Variants in TMEM144 observed in about 807,000 individuals in gnomAD.
The protein encoded by TMEM144 is transmembrane protein 144.
In TMEM144, 39 loss-of-function variants were observed where a neutral mutation model predicts 43.6. The ratio of observed to expected loss-of-function variants is 0.90; its 90% CI spans 0.69 to 1.17. TMEM144 has a LOEUF of 1.17. TMEM144 is among the 50% of genes most tolerant of loss of function. The probability of loss-of-function intolerance (pLI) is 0.00; values close to 1 mark genes in which losing one functional copy is unlikely to be tolerated. For missense variants in TMEM144, 417 were observed against 411.9 expected, an observed-to-expected ratio of 1.01 and a Z score of -0.11; for synonymous variants, 154 against 133.6, an observed-to-expected ratio of 1.15 and a Z score of -1.06.
intron 6 of TMEM144, among the ~76,000 whole-genome samples, chr4:158,227,993 A>G (rs573787495): frequency 2.6e-5 from 4 of 152,222 alleles, no homozygotes; most frequent in Admixed American, 6.5e-5. Context: ...CCACACACAC[A>G]CCACAAAGCA....
chr4:158,248,142 A>G (rs1301345813), intron 12 of TMEM144, among the ~76,000 whole-genome samples: 1 of 151,232 alleles, frequency 6.6e-6, no homozygotes, highest in Non-Finnish European at 1.5e-5. Context: ...AAAAAAAAAA[A>G]AAACCTGGGG....
intron 6 of TMEM144, among the ~76,000 whole-genome samples, chr4:158,225,305 G>T (rs10002043): frequency 0.32 from 48,788 of 152,064 alleles, 9,262 homozygotes; most frequent in African/African-American, 0.53. Context: ...GACACGTAGG[G>T]TGTAAAGGGT....
At chr4:158,239,684 AT>A (rs879472784) in intron 9 of TMEM144, among the ~76,000 whole-genome samples, 2 of 152,136 alleles carry the variant, frequency 1.3e-5, no homozygotes, top group Admixed American at 1.3e-4. Context: ...CTGAGTGCCT[AT>A]TTTTAAAAGG....
intron 9 of TMEM144, among the ~76,000 whole-genome samples, chr4:158,239,658 A>G (rs1458854298): frequency 1.3e-5 from 2 of 152,172 alleles, no homozygotes; most frequent in African/African-American, 2.4e-5. Context: ...TGCTATTGTC[A>G]TTAGTAAAAT....
chr4:158,249,440 C>G (rs1226132223), intron 12 of TMEM144, among the ~76,000 whole-genome samples: 1 of 152,146 alleles, frequency 6.6e-6, no homozygotes, highest in Admixed American at 6.5e-5. Flanking sequence ...AAACTTTCTG[C>G]TTTGGGAAGA....
chr4:158,227,126 CTT>C (rs34561388), intron 6 of TMEM144, among the ~76,000 whole-genome samples: 1 of 141,220 alleles, frequency 7.1e-6, no homozygotes, highest in Non-Finnish European at 1.5e-5. Context: ...GTATAGATGG[CTT>C]TTTTTTTTTT....
chr4:158,214,443 A>C (rs1431713845), intron 3 of TMEM144, among the ~76,000 whole-genome samples: 1 of 152,184 alleles, frequency 6.6e-6, no homozygotes, highest in Non-Finnish European at 1.5e-5. Flanking sequence ...TAATACATTG[A>C]GTTTTAACTG....
intron 6 of TMEM144, among the ~76,000 whole-genome samples, chr4:158,230,595 A>G (rs1215253017): frequency 6.6e-6 from 1 of 151,900 alleles, no homozygotes; most frequent in Non-Finnish European, 1.5e-5. Flanking sequence ...ATATATATAT[A>G]TATATGCACA....
intron 6 of TMEM144, among the ~76,000 whole-genome samples, chr4:158,230,975 T>C (rs1735050383): frequency 6.6e-6 from 1 of 152,170 alleles, no homozygotes; most frequent in Non-Finnish European, 1.5e-5. Context: ...CATGTAGAAA[T>C]GTAATTACAC....
intron 6 of TMEM144, among the ~76,000 whole-genome samples, chr4:158,231,056 T>G (rs185398111): frequency 2.6e-5 from 4 of 152,356 alleles, no homozygotes; most frequent in Admixed American, 2.6e-4. Context: ...GGATTCTTCT[T>G]GGTCTCTTTG....
intron 9 of TMEM144, among the ~76,000 whole-genome samples, chr4:158,238,836 A>G (rs1253248566): frequency 5.3e-5 from 8 of 152,148 alleles, no homozygotes; most frequent in Non-Finnish European, 1.2e-4. Flanking sequence ...ACCAATCTCC[A>G]CACAAAGAGA....
At chr4:158,249,887 G>GGTGTGTGTGTGTGTGTGTGTGTGT (rs149144602) in intron 12 of TMEM144, among the ~76,000 whole-genome samples, 152 of 134,530 alleles carry the variant, frequency 1.1e-3, no homozygotes, top group South Asian at 1.8e-3. Context: ...CCTACTGCCA[G>GGTGTGTGTGTGTGTGTGTGTGTGT]GTGTGTGTGT....
At chr4:158,214,836 G>A (rs765326103) in intron 3 of TMEM144, among the ~76,000 whole-genome samples, 10 of 152,074 alleles carry the variant, frequency 6.6e-5, no homozygotes, top group Non-Finnish European at 1.2e-4. Context: ...ATATACACTC[G>A]GTCTTGCCAT....
chr4:158,215,440 A>AGATACTAGAT, intron 4 of TMEM144, 127 bp downstream of exon 4: 1 of 1,171,510 alleles, frequency 8.5e-7, no homozygotes, highest in Non-Finnish European at 1.1e-6. Flanking sequence ...ACTAGAAATT[A>AGATACTAGAT]ACTAGTTTCT....
Position 158,255,170 on chromosome 4 carries a change from T to C in TMEM144, c.*1643T>C, listed in dbSNP as rs1380310535. 1 of 152,164 alleles carries C rather than the reference T, an allele frequency of 6.6e-6. No homozygotes were observed. Among genetic ancestry groups the C allele is most frequent in the Non-Finnish European group, 1.5e-5 (1 of 68,028 alleles). 9.4% of individuals were successfully genotyped at this position (152,164 alleles called of 1,614,324 possible). On this transcript the variant is annotated 3_prime_UTR_variant, in exon 13 of 13. Coordinates refer to ENST00000296529, the MANE Select transcript of TMEM144 (RefSeq NM_018342.5). The stretch of plus-strand genomic sequence containing the variant: ...AAGTGATGGAGCTTCTGTTTGTTTA[T>C]TGAATTGCTAATACAAATAAATATT...
chr4:158,230,562 G>A (rs886684875), intron 6 of TMEM144, among the ~76,000 whole-genome samples: 2 of 151,746 alleles, frequency 1.3e-5, no homozygotes, highest in Non-Finnish European at 2.9e-5. Flanking sequence ...AATGCCAATT[G>A]ATGTCTAATA....
At chr4:158,251,422 G>GA (rs1736197034) in intron 12 of TMEM144, among the ~76,000 whole-genome samples, 1 of 152,234 alleles carries the variant, frequency 6.6e-6, no homozygotes, top group South Asian at 2.1e-4. Context: ...AAATCTTTAA[G>GA]TGGGGGGGAT....
chr4:158,251,781 G>A (rs958225233), intron 12 of TMEM144, among the ~76,000 whole-genome samples: 4 of 151,976 alleles, frequency 2.6e-5, no homozygotes, highest in African/African-American at 9.7e-5. Context: ...TCCACCCCTC[G>A]GCTAAAGAAA....
chr4:158,239,030 C>A (rs1017782611), intron 9 of TMEM144, among the ~76,000 whole-genome samples: 1 of 152,184 alleles, frequency 6.6e-6, no homozygotes, highest in African/African-American at 2.4e-5. Flanking sequence ...CTCATAGCAA[C>A]TAATACCCTT....
Sources: gnomAD v4.1 joint callset for allele counts (sites outside exome capture counted in the v4.1 genomes callset) on GRCh38, gnomAD v4.1.1 for gene constraint, MANE v1.5 for transcripts, NCBI Gene and HGNC (gene_info 2026-07-23, HGNC 2026-07-21) for gene names.